ICAM3: variants seen among roughly 807,000 people sequenced by gnomAD.
ICAM3 encodes the protein intercellular adhesion molecule 3.
A neutral mutation model predicts 43.6 loss-of-function variants in ICAM3; 54 were observed. The ratio of observed to expected loss-of-function variants is 1.24; its 90% CI spans 0.99 to 1.55. ICAM3 has a LOEUF of 1.55. Ranked by LOEUF, ICAM3 falls within the 40% of genes most tolerant of loss-of-function variation. ICAM3 has a pLI of 0.00. For missense variants in ICAM3, 715 were observed against 717.9 expected (o/e 1.00, Z 0.05); for synonymous variants, 306 against 312.6 (o/e 0.98, Z 0.22).
At position 10,334,534 on chromosome 19, in the gene ICAM3, C is replaced by A. The variant is rs368870942; in HGVS notation, c.1186G>T (p.Val396Phe). Reference protein sequence around the residue: ...LHRNSSVQLRVLYGPKIDRAT... With the variant: ...LHRNSSVQLRFLYGPKIDRAT... ...GTCAGGGTGACCGACTCACACAGGACTCGCAGCTGGACGCTACTGTTCCTG... is the reference window on the plus strand; with the variant it reads ...GTCAGGGTGACCGACTCACACAGGAATCGCAGCTGGACGCTACTGTTCCTG... The change falls in exon 5 of 7, where the codon GTC becomes TTC. Residue 396 changes from valine to phenylalanine, a missense_variant. By Grantham distance (50) the Val-to-Phe change is conservative. Coordinates refer to ENST00000160262, the MANE Select transcript of ICAM3 (RefSeq NM_002162.5). This position sits in a 1 kb window ranked among gnomAD's most constrained non-coding sequence, Gnocchi z 5.5. The A allele has an allele frequency of 2.0e-5, 32 of 1,607,736 alleles. No homozygotes were observed. The African/African-American group carries it at 4.0e-4, about 20-fold the overall frequency.
At chr19:10,338,183 C>T (rs1038129555) in intron 2 of ICAM3, among the ~76,000 whole-genome samples, 1 of 151,488 alleles carries the variant, frequency 6.6e-6, no homozygotes, top group Non-Finnish European at 1.5e-5. Context: ...GTGGGCGGAT[C>T]GCCTGAGGTC....
chr19:10,337,033 C>A (rs1387909910), intron 2 of ICAM3, among the ~76,000 whole-genome samples: 3 of 151,808 alleles, frequency 2.0e-5, no homozygotes, highest in Non-Finnish European at 4.4e-5. Context: ...TCACTTGAAC[C>A]CAGGAGGCGG....
chr19:10,334,400 T>C lies in ICAM3; in HGVS notation c.1201A>G (p.Lys401Glu). The C allele has an allele frequency of 1.2e-6, 2 of 1,614,116 alleles. No homozygotes were observed. The highest frequency in any genetic ancestry group is 1.7e-6 in the Non-Finnish European group (2 of 1,180,004). The change falls in exon 6 of 7, where the codon AAA becomes GAA. Residue 401 changes from lysine (K) to glutamate (E), a missense_variant. Lys to Glu is a moderately conservative substitution (Grantham distance 56, BLOSUM62 1). Transcript: ENST00000160262. This position sits in a 1 kb window ranked among gnomAD's most constrained non-coding sequence, Gnocchi z 5.5. Reference sequence around the variant, plus strand: ...TGGGGGCATGTGGCTCGGTCAATTTTGGGACCATCTGTGGAACCACCATGT... The same window carrying C: ...TGGGGGCATGTGGCTCGGTCAATTTCGGGACCATCTGTGGAACCACCATGT... Reference protein sequence around the residue: ...SVQLRVLYGPKIDRATCPQHL... With the variant: ...SVQLRVLYGPEIDRATCPQHL...
At chr19:10,338,330 G>T (rs2040619481) in intron 2 of ICAM3, among the ~76,000 whole-genome samples, 1 of 151,328 alleles carries the variant, frequency 6.6e-6, no homozygotes, top group Non-Finnish European at 1.5e-5. Context: ...TTGAACCCAG[G>T]AGGCGAAGGT....
chr19:10,336,784 G>A (rs776703618), intron 2 of ICAM3, among the ~76,000 whole-genome samples: 9 of 128,564 alleles, frequency 7.0e-5, no homozygotes, highest in South Asian at 2.6e-4. Flanking sequence ...CCAGCCTGGC[G>A]ACAGAGAGAG....
Position 10,334,326 on chromosome 19 carries a change from G to T in ICAM3, c.1275C>A (p.Ala425=), listed in dbSNP as rs2040559309. The T allele has an allele frequency of 6.2e-7, 1 of 1,614,190 alleles. No homozygotes were observed. Among genetic ancestry groups the T allele is most frequent in the Non-Finnish European group, 8.5e-7 (1 of 1,180,038 alleles). ...GCAGCTCGGGGTACGGGTTGCCCCT[G>T]GCTTGGCACTGCAGGACGTGTCTCG... The part of the protein sequence containing the change: ...DKTRHVLQCQ[A]RGNPYPELRC... Residue 425 remains alanine, a synonymous_variant, in exon 6 of 7, where the codon GCC becomes GCA. Coordinates refer to ENST00000160262, the MANE Select transcript of ICAM3 (RefSeq NM_002162.5). The surrounding 1 kb of genome is among the most constrained non-coding windows in gnomAD (Gnocchi z 5.5).
rs1178795899 is a variant in ICAM3 at position 10,334,044 on chromosome 19, A to C, written c.1457T>G (p.Phe486Cys). ...TAACACCGCCACGAAGACGGGGACA[A>C]AGTGGGAGCTCCCAGCTGTGCAGAG... ...VMDIEAGSSH[F>C]VPVFVAVLLT... Residue 486 changes from phenylalanine to cysteine, a missense_variant, in exon 7 of 7, where the codon TTT becomes TGT. Transcript: ENST00000160262. This position sits in a 1 kb window ranked among gnomAD's most constrained non-coding sequence, Gnocchi z 5.5. 6 of 1,613,898 alleles carry C rather than the reference A, an allele frequency of 3.7e-6. No homozygotes were observed. Among genetic ancestry groups the C allele is most frequent in the Non-Finnish European group, 5.1e-6 (6 of 1,179,994 alleles).
At position 10,334,917 on chromosome 19, in the gene ICAM3, C is replaced by T; in HGVS notation, c.938-135G>A. The T allele has an allele frequency of 6.9e-7, 1 of 1,444,850 alleles. No individual in the cohort carries two copies. 89.5% of individuals were successfully genotyped at this position (1,444,850 alleles called of 1,614,324 possible). ...CCGTTCAAGCCTCGCCCTCTTTCCG[C>T]GCTGTGTCCAGCTTCGGGCACTCAG... On this transcript the variant is annotated intron_variant, in intron 4 of 6. Transcript: ENST00000160262. This position sits in a 1 kb window ranked among gnomAD's most constrained non-coding sequence, Gnocchi z 5.5.
rs139064130 is a variant in ICAM3 at position 10,334,324 on chromosome 19, C to T, written c.1277G>A (p.Arg426Lys). 168 of 1,614,206 alleles carry T rather than the reference C, an allele frequency of 1.0e-4. No homozygotes were observed. In the African/African-American group the frequency reaches 1.9e-3, roughly 19 times the overall value. ...CCGCAGCTCGGGGTACGGGTTGCCC[C>T]TGGCTTGGCACTGCAGGACGTGTCT... ...KTRHVLQCQA[R>K]GNPYPELRCL... Residue 426 changes from arginine to lysine, a missense_variant, in exon 6 of 7, where the codon AGG becomes AAG. Physicochemically the swap from Arg to Lys is conservative, Grantham distance 26. Coordinates refer to ENST00000160262, the MANE Select transcript of ICAM3 (RefSeq NM_002162.5). This position sits in a 1 kb window ranked among gnomAD's most constrained non-coding sequence, Gnocchi z 5.5.
In ICAM3 at chr19:10,334,108, C is replaced by T. The variant is rs752201007; in HGVS notation, c.1442-49G>A. The T allele has an allele frequency of 3.1e-6, 5 of 1,606,040 alleles. No homozygotes were observed. The highest frequency in any genetic ancestry group is 2.2e-5 in the East Asian group (1 of 44,748). On this transcript the variant is annotated intron_variant, in intron 6 of 6. Coordinates refer to ENST00000160262, the MANE Select transcript of ICAM3 (RefSeq NM_002162.5). This position sits in a 1 kb window ranked among gnomAD's most constrained non-coding sequence, Gnocchi z 5.5. ...AATATGCGTCCCTTCTGTCTCCAAC[C>T]CCCCCGCCCCCCGGCTTACCGGTCC...
At chr19:10,337,161 A>C (rs928042726) in intron 2 of ICAM3, among the ~76,000 whole-genome samples, 2 of 151,916 alleles carry the variant, frequency 1.3e-5, no homozygotes, top group African/African-American at 4.8e-5. Context: ...TCACGCTTAT[A>C]ATCCCAGCAC....
chr19:10,336,731 AG>A (rs1347473907), intron 2 of ICAM3, among the ~76,000 whole-genome samples: 1 of 148,686 alleles, frequency 6.7e-6, no homozygotes, highest in Non-Finnish European at 1.5e-5. Flanking sequence ...GCTTGAACCC[AG>A]GAGGCAAAAT....
rs773241802 is a variant in ICAM3 at position 10,334,047 on chromosome 19, T to TG, written c.1453dup (p.His485ProfsTer38). 76 of 1,614,006 alleles carry TG rather than the reference T, an allele frequency of 4.7e-5. 1 individual carries two copies. In the Middle Eastern group the frequency reaches 6.6e-4, roughly 14 times the overall value. On this transcript the variant is annotated frameshift_variant, in exon 7 of 7. Transcript: ENST00000160262. LOFTEE classifies it low-confidence loss of function (END_TRUNC). This position sits in a 1 kb window ranked among gnomAD's most constrained non-coding sequence, Gnocchi z 5.5. ...CACCGCCACGAAGACGGGGACAAAG[T>TG]GGGAGCTCCCAGCTGTGCAGAGAAA...
chr19:10,334,401 G>A lies in ICAM3; in HGVS notation c.1200C>T (p.Pro400=). 1 of 1,614,070 alleles carries A rather than the reference G, an allele frequency of 6.2e-7. No individual in the cohort carries two copies. The highest frequency in any genetic ancestry group is 8.5e-7 in the Non-Finnish European group (1 of 1,180,006). The change falls in exon 6 of 7, where the codon CCC becomes CCT. Residue 400 remains proline, a synonymous_variant. Coordinates refer to ENST00000160262, the MANE Select transcript of ICAM3 (RefSeq NM_002162.5). This position sits in a 1 kb window ranked among gnomAD's most constrained non-coding sequence, Gnocchi z 5.5. ...SSVQLRVLYG[P]KIDRATCPQH... ...GGGGGCATGTGGCTCGGTCAATTTTGGGACCATCTGTGGAACCACCATGTG... is the reference window on the plus strand; with the variant it reads ...GGGGGCATGTGGCTCGGTCAATTTTAGGACCATCTGTGGAACCACCATGTG...
chr19:10,334,758 A>G lies in ICAM3; in HGVS notation c.962T>C (p.Leu321Pro). The change falls in exon 5 of 7, where the codon CTC becomes CCC. Residue 321 changes from leucine to proline, a missense_variant. By Grantham distance (98) the Leu-to-Pro change is moderately conservative (BLOSUM62 -3). Transcript: ENST00000160262. The surrounding 1 kb of genome is among the most constrained non-coding windows in gnomAD (Gnocchi z 5.5). ...CCCCTCATGGGCGGTGGGCTCGCTG[A>G]GGTTCACAATGGGTCCTAGGAAGCC... is the stretch of plus-strand genomic sequence containing the variant. ...VFSFLGPIVN[L>P]SEPTAHEGST... The G allele has an allele frequency of 6.2e-7, 1 of 1,606,264 alleles. No individual in the cohort carries two copies. Among genetic ancestry groups the G allele is most frequent in the South Asian group, 1.1e-5 (1 of 90,596 alleles).
intron 2 of ICAM3, among the ~76,000 whole-genome samples, chr19:10,337,427 A>G (rs2040610720): frequency 1.4e-5 from 2 of 146,978 alleles, no homozygotes; most frequent in South Asian, 4.3e-4. Flanking sequence ...AAAAAAAAAA[A>G]AAAAGAAAAG....
rs2040575807 is a variant in ICAM3, at chr19:10,335,088, G to C, written c.915C>G (p.Ala305=). The C allele has an allele frequency of 5.0e-6, 8 of 1,613,186 alleles. No individual in the cohort carries two copies. The highest frequency in any genetic ancestry group is 5.9e-6 in the Non-Finnish European group (7 of 1,179,652). The stretch of plus-strand genomic sequence containing the variant: ...TACTAAAGACCGTCAAGTTCTCCCG[G>C]GCCTCCCGTCTCTCGCCCCCTAGGG... ...NVTLGGERRE[A]RENLTVFSFL... The change falls in exon 4 of 7, where the codon GCC becomes GCG. Residue 305 remains alanine (A), a synonymous_variant. Coordinates refer to ENST00000160262, the MANE Select transcript of ICAM3 (RefSeq NM_002162.5).
At chr19:10,339,102 G>A (rs3176766) in intron 1 of ICAM3, 154 bp from the exon 2 acceptor site, 162,082 of 781,006 alleles carry the variant, frequency 0.21, 17,748 homozygotes, top group South Asian at 0.26. Context: ...ATCAGAGACC[G>A]GGGAGAACTC....
chr19:10,334,444 C>T lies in ICAM3; in HGVS notation c.1193-36G>A, dbSNP rs781277041. The T allele has an allele frequency of 6.2e-7, 1 of 1,612,100 alleles. No homozygotes were observed. Among genetic ancestry groups the T allele is most frequent in the East Asian group, 2.2e-5 (1 of 44,838 alleles). ...ACCATGTGTGATCAGACACCCAACA[C>T]ACCCGAGGCACAGTGGTGCAGAGGA... On this transcript the variant is annotated intron_variant, in intron 5 of 6. Transcript: ENST00000160262. The surrounding 1 kb of genome is among the most constrained non-coding windows in gnomAD (Gnocchi z 5.5).
Sources: allele counts gnomAD v4.1 joint callset (sites outside exome capture counted in the v4.1 genomes callset), GRCh38; gene constraint gnomAD v4.1.1; non-coding constraint Gnocchi (gnomAD v3.1); transcripts MANE v1.5; gene names NCBI Gene and HGNC (gene_info 2026-07-23, HGNC 2026-07-21).